The following CSMD1 variants were observed in gnomAD, a reference collection of about 807,000 sequenced individuals.
CSMD1 encodes the protein CUB and sushi domain-containing protein 1.
CSMD1 carries 213 observed loss-of-function variants against 417.5 expected under a neutral mutation model. The ratio of observed to expected loss-of-function variants is 0.51; its 90% CI spans 0.46 to 0.57. The LOEUF (loss-of-function observed/expected upper bound fraction) is 0.57. CSMD1 is among the 20% of genes least tolerant of loss of function. The pLI, the probability that CSMD1 is intolerant of heterozygous loss-of-function variation, is 0.00. For synonymous variants in CSMD1, 2,862 were observed against 1,736.8 expected (o/e 1.65, Z -16.11); for missense variants, 6,923 against 4,529.7 (o/e 1.53, Z -15.17).
At chr8:3,666,462 T>C (rs776357729) in intron 7 of CSMD1, among the ~76,000 whole-genome samples, 6 of 152,234 alleles carry the variant, frequency 3.9e-5, no homozygotes, top group Non-Finnish European at 7.3e-5. Flanking sequence ...TGAATCACGA[T>C]TGATCCTTGC....
intron 23 of CSMD1, among the ~76,000 whole-genome samples, chr8:3,316,297 AAAAAT>A (rs1192214450): frequency 2.0e-5 from 3 of 152,318 alleles, no homozygotes; most frequent in East Asian, 3.9e-4. Context: ...ACTTGCCAAT[AAAAAT>A]AAAGGAAAAT....
intron 3 of CSMD1, among the ~76,000 whole-genome samples, chr8:4,117,524 C>T (rs191266018): frequency 6.6e-6 from 1 of 152,324 alleles, no homozygotes; most frequent in Non-Finnish European, 1.5e-5. Context: ...ACTCTCTCGG[C>T]AGCCTATTAT....
chr8:4,803,284 C>T (rs567114152), intron 1 of CSMD1, among the ~76,000 whole-genome samples: 245 of 152,148 alleles, frequency 1.6e-3, no homozygotes, highest in Non-Finnish European at 3.0e-3. Context: ...ACAGAAACAT[C>T]GATAAAGCAA....
chr8:3,969,226 G>C (rs1009164938), intron 5 of CSMD1, among the ~76,000 whole-genome samples: 1 of 152,090 alleles, frequency 6.6e-6, no homozygotes, highest in African/African-American at 2.4e-5. Context: ...CTCCAGCCTG[G>C]GTGACAGAGT....
intron 1 of CSMD1, among the ~76,000 whole-genome samples, chr8:4,785,804 A>G (rs1797372634): frequency 6.6e-6 from 1 of 152,206 alleles, no homozygotes; most frequent in Non-Finnish European, 1.5e-5. Context: ...AGTGTTGCCC[A>G]GACTCGTTAA....
chr8:3,922,851 G>T (rs1162592861), intron 5 of CSMD1, among the ~76,000 whole-genome samples: 2 of 152,072 alleles, frequency 1.3e-5, no homozygotes, highest in African/African-American at 4.8e-5. Flanking sequence ...ATGGCCTTCA[G>T]ATATTGGGAT....
chr8:4,110,669 G>C (rs1430453388), intron 3 of CSMD1, among the ~76,000 whole-genome samples: 6 of 151,850 alleles, frequency 4.0e-5, no homozygotes, highest in South Asian at 2.1e-4. Flanking sequence ...TTTCTATAAA[G>C]TTACCTAAGA....
intron 1 of CSMD1, among the ~76,000 whole-genome samples, chr8:4,773,329 T>C (rs1445666215): frequency 6.6e-6 from 1 of 152,202 alleles, no homozygotes; most frequent in Non-Finnish European, 1.5e-5. Context: ...TTCTGCCTTC[T>C]AAGCTCACTG....
At chr8:4,001,894 AG>A (rs1021552615) in intron 4 of CSMD1, among the ~76,000 whole-genome samples, 27 of 148,906 alleles carry the variant, frequency 1.8e-4, no homozygotes, top group African/African-American at 6.4e-4. Context: ...GGTAGCACAG[AG>A]GAAAAAAAAA....
intron 4 of CSMD1, among the ~76,000 whole-genome samples, chr8:4,011,346 A>C (rs1188868268): frequency 6.6e-6 from 1 of 152,222 alleles, no homozygotes. Context: ...ATTCAAAAAC[A>C]ATGTTATAGA....
intron 2 of CSMD1, among the ~76,000 whole-genome samples, chr8:4,515,637 A>G (rs1803074115): frequency 6.6e-6 from 1 of 152,214 alleles, no homozygotes; most frequent in Non-Finnish European, 1.5e-5. Flanking sequence ...GAAACAAAAT[A>G]AAAATGAGAA....
At chr8:3,716,518 T>C (rs1801845446) in intron 6 of CSMD1, among the ~76,000 whole-genome samples, 2 of 152,212 alleles carry the variant, frequency 1.3e-5, no homozygotes, top group East Asian at 3.9e-4. Context: ...GGTGCTGATG[T>C]GAGTGCAGCA....
chr8:3,283,673 A>G (rs1317496918), intron 26 of CSMD1, among the ~76,000 whole-genome samples: 1 of 152,146 alleles, frequency 6.6e-6, no homozygotes, highest in Non-Finnish European at 1.5e-5. Flanking sequence ...AGGTCATGAA[A>G]CCTTCATTCC....
chr8:4,376,350 C>T (rs1802736213), intron 3 of CSMD1, among the ~76,000 whole-genome samples: 1 of 152,158 alleles, frequency 6.6e-6, no homozygotes, highest in South Asian at 2.1e-4. Context: ...CCTATAATCT[C>T]AACTCTTAGA....
chr8:3,537,539 C>T (rs1798255743), intron 10 of CSMD1, among the ~76,000 whole-genome samples: 1 of 152,090 alleles, frequency 6.6e-6, no homozygotes, highest in African/African-American at 2.4e-5. Flanking sequence ...CTAAAAGAAT[C>T]CTTCTTTTAA....
chr8:4,109,182 GAAT>G (rs1801724576), intron 3 of CSMD1, among the ~76,000 whole-genome samples: 1 of 151,930 alleles, frequency 6.6e-6, no homozygotes, highest in African/African-American at 2.4e-5. Context: ...ATTATTCATG[GAAT>G]AATAGCCAGA....
intron 5 of CSMD1, among the ~76,000 whole-genome samples, chr8:3,962,304 A>T (rs1225453597): frequency 7.5e-6 from 1 of 133,126 alleles, no homozygotes; most frequent in Non-Finnish European, 1.6e-5. Context: ...TCAACTTGGG[A>T]TTTGGTTCCA....
chr8:3,727,513 T>C (rs1802562893), intron 6 of CSMD1, among the ~76,000 whole-genome samples: 1 of 152,210 alleles, frequency 6.6e-6, no homozygotes. Flanking sequence ...GCACTGCTGG[T>C]GTGAATGTAA....
intron 2 of CSMD1, among the ~76,000 whole-genome samples, chr8:4,567,223 T>C (rs1022451875): frequency 6.6e-6 from 1 of 152,166 alleles, no homozygotes; most frequent in African/African-American, 2.4e-5. Context: ...ACAGTGGGGA[T>C]TGAATATAAG....
Sources: gnomAD v4.1 joint callset for allele counts (sites outside exome capture counted in the v4.1 genomes callset) on GRCh38, gnomAD v4.1.1 for gene constraint, MANE v1.5 for transcripts, NCBI Gene and HGNC (gene_info 2026-07-23, HGNC 2026-07-21) for gene names.